Variants in ELP1 observed in about 807,000 individuals in gnomAD.
ELP1 encodes the protein elongator acetyltransferase complex subunit 1.
A neutral mutation model predicts 183.2 loss-of-function variants in ELP1; 131 were observed. The ratio of observed to expected loss-of-function variants is 0.72; its 90% confidence interval spans 0.62 to 0.83. ELP1 has a LOEUF of 0.83. Among genes scored for constraint, ELP1 ranks in the 40% least tolerant of loss-of-function variants. The probability of loss-of-function intolerance (pLI) is 0.00; values close to 1 mark genes in which losing one functional copy is unlikely to be tolerated. For missense variants in ELP1, 1,550 were observed against 1,594.9 expected, an observed-to-expected ratio of 0.97 and a Z score of 0.48; for synonymous variants, 555 against 569.0, an observed-to-expected ratio of 0.98 and a Z score of 0.35.
chr9:108,892,773 G>A (rs1828392938), intron 27 of ELP1, among the ~76,000 whole-genome samples: 1 of 152,184 alleles, frequency 6.6e-6, no homozygotes. Context: ...AAAGAAGCAG[G>A]GAACCCCACG....
intron 36 of ELP1, among the ~76,000 whole-genome samples, chr9:108,869,889 C>T (rs529164030): frequency 1.3e-5 from 2 of 152,176 alleles, no homozygotes; most frequent in Non-Finnish European, 2.9e-5. Flanking sequence ...ACATATGAGC[C>T]ATGCAGGCAT....
intron 13 of ELP1, 118 bp from the exon 14 acceptor site, chr9:108,906,603 G>GT: frequency 2.5e-6 from 2 of 800,120 alleles, no homozygotes; most frequent in Non-Finnish European, 4.2e-6. Flanking sequence ...ATTATTTGGA[G>GT]GGACAAAACC....
intron 5 of ELP1, among the ~76,000 whole-genome samples, chr9:108,925,832 G>T (rs1829806851): frequency 6.6e-6 from 1 of 152,174 alleles, no homozygotes; most frequent in South Asian, 2.1e-4. Flanking sequence ...TTACAGGCAT[G>T]AGCCACTGTG....
At position 108,890,101 on chromosome 9, in the gene ELP1, C is replaced by T. The variant is rs149714776; in HGVS notation, c.3161-708G>A. 3.3e-5 allele frequency among the ~76,000 whole-genome samples: 5 copies of T among 152,126 alleles called. No individual in the cohort carries two copies. In the East Asian group the frequency reaches 9.7e-4, roughly 29 times the overall value. ...GACATGGGAAATAGCAAGCTAAGAG[C>T]TGTAAAGAATAGAAGAGATCCAAGA... On this transcript the variant is annotated intron_variant, in intron 28 of 36. Coordinates refer to ENST00000374647, the MANE Select transcript of ELP1 (RefSeq NM_003640.5).
intron 25 of ELP1, among the ~76,000 whole-genome samples, chr9:108,894,270 G>C (rs564686310): frequency 9.9e-4 from 150 of 152,250 alleles, no homozygotes; most frequent in African/African-American, 3.4e-3. Context: ...ACACCCCAAG[G>C]ATACCAAAAT....
rs545844687 is a variant in ELP1 at position 108,912,900 on chromosome 9, G to A, written c.959-406C>T. Among the ~76,000 whole-genome samples, 14 of 148,844 alleles carry A rather than the reference G, an allele frequency of 9.4e-5. No homozygotes were observed. In the East Asian group the frequency reaches 2.4e-3, roughly 25 times the overall value. Reference sequence around the variant, plus strand: ...CTCTCGAGTAGCTAGGACTACAGGCGCCCACCACCACACCCGGCTAATTTT... The same window carrying A: ...CTCTCGAGTAGCTAGGACTACAGGCACCCACCACCACACCCGGCTAATTTT... On this transcript the variant is annotated intron_variant, in intron 10 of 36. Transcript: ENST00000374647.
At position 108,903,664 on chromosome 9, in the gene ELP1, G is replaced by A. The variant is rs539141671; in HGVS notation, c.1649C>T (p.Ser550Phe). Residue 550 changes from serine to phenylalanine, a missense_variant, in exon 15 of 37, where the codon TCT becomes TTT. Coordinates refer to ENST00000374647, the MANE Select transcript of ELP1 (RefSeq NM_003640.5). ...GATTATGACCCCATCCACCGCTGCA[G>A]ATGAACTGACAAAAAAAAGGAGAAG... is the stretch of plus-strand genomic sequence containing the variant. ...EEHGQLNVSSSAAVDGVIISL... is the reference protein window; with the variant it reads ...EEHGQLNVSSFAAVDGVIISL... 10 of 1,612,374 alleles carry A rather than the reference G, an allele frequency of 6.2e-6. No homozygotes were observed. In the Admixed American group the frequency reaches 8.3e-5, roughly 13 times the overall value.
Position 108,875,868 on chromosome 9 carries a change from G to A in ELP1, c.3856-898C>T, listed in dbSNP as rs1827688318. ...GCACCAAGCCATGATTGATCATACT[G>A]TCACTGCACTCTAGCCTGGGTGACA... On this transcript the variant is annotated intron_variant, in intron 35 of 36. Transcript: ENST00000374647. 5 of 224,390 alleles carry A rather than the reference G, an allele frequency of 2.2e-5. No individual in the cohort carries two copies. The South Asian group carries it at 2.5e-4, about 11-fold the overall frequency. The allele number at this position is 224,390 out of a possible 1,614,324, so 13.9% of individuals were successfully genotyped here.
At chr9:108,876,366 GT>G (rs1827705900) in intron 35 of ELP1, among the ~76,000 whole-genome samples, 1 of 152,128 alleles carries the variant, frequency 6.6e-6, no homozygotes, top group Admixed American at 6.6e-5. Flanking sequence ...AATTCAAGAA[GT>G]TCTGGGGCCC....
chr9:108,903,750 C>T, intron 14 of ELP1, 81 bp from the exon 15 acceptor site: 1 of 1,027,774 alleles, frequency 9.7e-7, no homozygotes, highest in South Asian at 1.3e-5. Flanking sequence ...TGAAAATCAA[C>T]AATTTCCTTT....
At chr9:108,903,001 C>A in intron 15 of ELP1, 59 bp from the exon 16 acceptor site, 1 of 1,216,470 alleles carries the variant, frequency 8.2e-7, no homozygotes, top group Non-Finnish European at 1.2e-6. Flanking sequence ...AAAAAACCAT[C>A]AACATCAACA....
Position 108,897,189 on chromosome 9 carries a change from G to A in ELP1, c.2460C>T (p.Cys820=), listed in dbSNP as rs181121832. 26 of 1,614,100 alleles carry A rather than the reference G, an allele frequency of 1.6e-5. No homozygotes were observed. Among genetic ancestry groups the A allele is most frequent in the Middle Eastern group, 1.6e-4 (1 of 6,062 alleles). The change falls in exon 23 of 37, where the codon TGC becomes TGT. Residue 820 remains cysteine, a synonymous_variant. Coordinates refer to ENST00000374647, the MANE Select transcript of ELP1 (RefSeq NM_003640.5). ...DPDGNKIDLV[C]DAMRAVMESI... Reference sequence around the variant, plus strand: ...TCTCCATGACTGCTCTCATAGCATCGCAGACAAGGTCTATTTTATTCCCGT... The same window carrying A: ...TCTCCATGACTGCTCTCATAGCATCACAGACAAGGTCTATTTTATTCCCGT...
intron 29 of ELP1, among the ~76,000 whole-genome samples, chr9:108,886,380 A>C (rs1314597778): frequency 6.6e-6 from 1 of 152,202 alleles, no homozygotes; most frequent in Non-Finnish European, 1.5e-5. Context: ...AAGACACGAA[A>C]AAACTACAAT....
chr9:108,907,234 A>G lies in ELP1; in HGVS notation c.1461-749T>C, dbSNP rs78616377. Among the ~76,000 whole-genome samples, 694 of 152,208 alleles carry G rather than the reference A, an allele frequency of 4.6e-3. 13 individuals carry two copies. The highest frequency in any genetic ancestry group is 0.027 in the East Asian group (139 of 5,168). ...CCAACCCCAAACCTATCCCTTCCCC[A>G]AGATCACGATGAGTACTCATGTCTT... On this transcript the variant is annotated intron_variant, in intron 13 of 36. Coordinates refer to ENST00000374647, the MANE Select transcript of ELP1 (RefSeq NM_003640.5).
intron 6 of ELP1, among the ~76,000 whole-genome samples, chr9:108,920,744 T>C (rs1321800707): frequency 6.6e-6 from 1 of 152,158 alleles, no homozygotes; most frequent in Non-Finnish European, 1.5e-5. Flanking sequence ...TTCTGAAGGG[T>C]AGCTGTGAAC....
chr9:108,899,713 T>C (rs908429488), intron 20 of ELP1, 109 bp downstream of exon 20: 49 of 835,620 alleles, frequency 5.9e-5, no homozygotes, highest in Non-Finnish European at 9.2e-5. Context: ...ATGATATAGG[T>C]AATGAGGGCT....
chr9:108,930,963 A>ACCC, intron 2 of ELP1, 34 bp downstream of exon 2: 1 of 1,610,032 alleles, frequency 6.2e-7, no homozygotes, highest in Non-Finnish European at 8.5e-7. Flanking sequence ...CAAGGGTCAT[A>ACCC]CCCACATGCT....
chr9:108,882,269 A>T (rs955106226), intron 29 of ELP1, 82 bp from the exon 30 acceptor site: 2 of 1,159,074 alleles, frequency 1.7e-6, no homozygotes, highest in East Asian at 4.9e-5. Flanking sequence ...CTAACCACAG[A>T]CCTGCCTCTA....
chr9:108,898,639 A>T, intron 21 of ELP1, 32 bp downstream of exon 21: 1 of 1,600,246 alleles, frequency 6.2e-7, no homozygotes, highest in Non-Finnish European at 8.6e-7. Context: ...AGTACAAAGT[A>T]AGCTAGAGTA....
Sources: allele counts gnomAD v4.1 joint callset (sites outside exome capture counted in the v4.1 genomes callset), GRCh38; gene constraint gnomAD v4.1.1; transcripts MANE v1.5; gene names NCBI Gene and HGNC (gene_info 2026-07-23, HGNC 2026-07-21).